Variants in RBFOX1 observed in about 807,000 individuals in gnomAD.
RBFOX1 encodes RNA binding fox-1 homolog 1.
A neutral mutation model predicts 57.7 loss-of-function variants in RBFOX1; 8 were observed. The ratio of observed to expected loss-of-function variants is 0.14; its 90% confidence interval spans 0.08 to 0.25. RBFOX1 has a LOEUF of 0.25. RBFOX1 is among the 10% of genes least tolerant of loss of function. The pLI, the probability that RBFOX1 is intolerant of heterozygous loss-of-function variation, is 1.00. For missense variants in RBFOX1, 611 were observed against 548.5 expected (o/e 1.11, Z -1.14); for synonymous variants, 326 against 222.4 (o/e 1.47, Z -4.15).
intron 3 of RBFOX1, among the ~76,000 whole-genome samples, chr16:6,929,007 G>C (rs1409463400): frequency 6.6e-6 from 1 of 152,082 alleles, no homozygotes; most frequent in African/African-American, 2.4e-5. Flanking sequence ...TCACAGACAC[G>C]CATGCTTGAG....
chr16:6,797,211 A>G (rs764419968), intron 3 of RBFOX1, among the ~76,000 whole-genome samples: 1 of 152,148 alleles, frequency 6.6e-6, no homozygotes, highest in Non-Finnish European at 1.5e-5. Context: ...TTACTAAGGA[A>G]TCTGTCCAAA....
At chr16:6,738,656 AC>A (rs2071148187) in intron 3 of RBFOX1, among the ~76,000 whole-genome samples, 1 of 152,130 alleles carries the variant, frequency 6.6e-6, no homozygotes, top group Non-Finnish European at 1.5e-5. Context: ...CAATTACAGA[AC>A]CCTTTACCCC....
intron 4 of RBFOX1, among the ~76,000 whole-genome samples, chr16:5,888,547 G>A (rs1394856159): frequency 1.3e-5 from 2 of 152,072 alleles, no homozygotes; most frequent in African/African-American, 4.8e-5. Flanking sequence ...TGTAATCCCA[G>A]CACTTTGGGA....
chr16:5,273,356 A>G (rs1852668), intron 1 of RBFOX1, among the ~76,000 whole-genome samples: 48,752 of 151,720 alleles, frequency 0.32, 8,272 homozygotes, highest in South Asian at 0.44. Flanking sequence ...AGTGCCTGCT[A>G]TGTGCCAGGC....
rs1379167388 is a variant in RBFOX1 at position 6,656,881 on chromosome 16, T to TCCTCTCCTCTCCTCTCCTCCCCTCC, written c.-16+2245_-16+2246insTCCTCCCCTCCCCTCTCCTCTCCTC. ...AGTCTTTTAAACAAGGTAACTCCTC[T>TCCTCTCCTCTCCTCTCCTCCCCTCC]CCTCTCCTCTCCTCCCCTCAACTCT... On this transcript the variant is annotated intron_variant, in intron 3 of 15. Coordinates refer to ENST00000550418, the MANE Select transcript of RBFOX1 (RefSeq NM_018723.4). Among the ~76,000 whole-genome samples, 156 of 143,500 alleles carry TCCTCTCCTCTCCTCTCCTCCCCTCC rather than the reference T, an allele frequency of 1.1e-3. 3 individuals carry two copies. Among genetic ancestry groups the TCCTCTCCTCTCCTCTCCTCCCCTCC allele is most frequent in the African/African-American group, 3.6e-3 (136 of 38,042 alleles). The allele number at this position is 143,500 out of a possible 152,430, so 94.1% of individuals were successfully genotyped here.
At chr16:6,482,490 A>G (rs761977743) in intron 2 of RBFOX1, among the ~76,000 whole-genome samples, 21 of 152,260 alleles carry the variant, frequency 1.4e-4, no homozygotes, top group Admixed American at 2.6e-4. Context: ...TAGATCTATG[A>G]GGACTTCTTG....
chr16:6,185,214 A>C (rs1011604930), intron 1 of RBFOX1, among the ~76,000 whole-genome samples: 1 of 151,896 alleles, frequency 6.6e-6, no homozygotes, highest in East Asian at 1.9e-4. Context: ...TTACCCTGTG[A>C]CTCTATTTCC....
intron 3 of RBFOX1, among the ~76,000 whole-genome samples, chr16:5,728,269 A>G (rs933249951): frequency 1.3e-5 from 2 of 152,108 alleles, no homozygotes; most frequent in African/African-American, 2.4e-5. Flanking sequence ...GTGGAATACT[A>G]TTTAGCCTAT....
chr16:5,843,768 C>A (rs1240971180), intron 3 of RBFOX1, among the ~76,000 whole-genome samples: 1 of 152,168 alleles, frequency 6.6e-6, no homozygotes, highest in African/African-American at 2.4e-5. Flanking sequence ...GGATTAAGTT[C>A]AGAATATAGA....
chr16:5,403,471 T>A (rs1012312769), intron 1 of RBFOX1, among the ~76,000 whole-genome samples: 1 of 151,722 alleles, frequency 6.6e-6, no homozygotes, highest in African/African-American at 2.4e-5. Context: ...TGAGACGGAG[T>A]GTCACTGTGC....
intron 3 of RBFOX1, among the ~76,000 whole-genome samples, chr16:6,701,499 A>C (rs2061845291): frequency 6.6e-6 from 1 of 152,222 alleles, no homozygotes; most frequent in Non-Finnish European, 1.5e-5. Context: ...TAGGTTGTAC[A>C]AGCATGGCAC....
At chr16:7,602,719 A>G (rs2095099223) in intron 9 of RBFOX1, among the ~76,000 whole-genome samples, 1 of 152,146 alleles carries the variant, frequency 6.6e-6, no homozygotes, top group African/African-American at 2.4e-5. Flanking sequence ...CAAGGGCTGG[A>G]TTCTAGACCA....
chr16:5,956,678 A>ATATATTTTTTTTT (rs368096576), intron 4 of RBFOX1, among the ~76,000 whole-genome samples: 1 of 116,482 alleles, frequency 8.6e-6, no homozygotes. Flanking sequence ...ATATATATAT[A>ATATATTTTTTTTT]TTTTTTTTGA....
At chr16:5,338,237 C>G (rs1328343610) in intron 1 of RBFOX1, among the ~76,000 whole-genome samples, 1 of 151,996 alleles carries the variant, frequency 6.6e-6, no homozygotes, top group African/African-American at 2.4e-5. Flanking sequence ...GTTTTTATTC[C>G]ACGACCTCAG....
chr16:6,207,367 C>T (rs2097262342), intron 1 of RBFOX1, among the ~76,000 whole-genome samples: 1 of 152,178 alleles, frequency 6.6e-6, no homozygotes, highest in African/African-American at 2.4e-5. Flanking sequence ...AAGGTTGCTG[C>T]ACTCATTTAT....
chr16:6,924,098 G>A (rs1217957433), intron 3 of RBFOX1, among the ~76,000 whole-genome samples: 1 of 151,948 alleles, frequency 6.6e-6, no homozygotes, highest in African/African-American at 2.4e-5. Context: ...TGAACCCGGA[G>A]GTGGAGGTTG....
intron 3 of RBFOX1, among the ~76,000 whole-genome samples, chr16:6,974,336 C>CTTTTTTTTTTTTTTTTTTT (rs59299498): frequency 5.1e-5 from 3 of 58,666 alleles, no homozygotes; most frequent in African/African-American, 1.3e-4. Flanking sequence ...TTTTCTTTTT[C>CTTTTTTTTTTTTTTTTTTT]TTTTTTTTTT....
At chr16:6,170,736 C>G (rs1454933734) in intron 1 of RBFOX1, among the ~76,000 whole-genome samples, 2 of 152,066 alleles carry the variant, frequency 1.3e-5, no homozygotes, top group Non-Finnish European at 2.9e-5. Flanking sequence ...CTGCTTCTCT[C>G]CCTCCTCCCA....
At chr16:6,316,755 C>G (rs1428271059) in intron 1 of RBFOX1, among the ~76,000 whole-genome samples, 1 of 152,110 alleles carries the variant, frequency 6.6e-6, no homozygotes, top group Non-Finnish European at 1.5e-5. Flanking sequence ...CCTCAGTTTC[C>G]TCTTCTGAAA....
Sources: allele counts gnomAD v4.1 joint callset (sites outside exome capture counted in the v4.1 genomes callset), GRCh38; gene constraint gnomAD v4.1.1; transcripts MANE v1.5; gene names NCBI Gene and HGNC (gene_info 2026-07-23, HGNC 2026-07-21).